The following IFT57 variants were observed in gnomAD, a reference collection of about 807,000 sequenced individuals.
IFT57 encodes the protein intraflagellar transport protein 57 homolog.
IFT57 carries 59 observed loss-of-function variants against 56.8 expected under a neutral mutation model. The ratio of observed to expected loss-of-function variants is 1.04; its 90% CI spans 0.84 to 1.29. The LOEUF (loss-of-function observed/expected upper bound fraction) is 1.29. Among genes scored for constraint, IFT57 ranks in the 50% most tolerant of loss-of-function variants. The probability of loss-of-function intolerance (pLI) is 0.00; values close to 1 mark genes in which losing one functional copy is unlikely to be tolerated. For synonymous variants in IFT57, 209 were observed against 186.1 expected (o/e 1.12, Z -1.00); for missense variants, 470 against 522.1 (o/e 0.90, Z 0.97).
chr3:108,167,227 AC>A (rs2080068169), intron 7 of IFT57: 2 of 398,656 alleles, frequency 5.0e-6, no homozygotes, highest in African/African-American at 2.1e-5. Flanking sequence ...CATTATACAT[AC>A]CATAAAATTT....
intron 5 of IFT57, among the ~76,000 whole-genome samples, chr3:108,197,007 G>T (rs2108319858): frequency 6.6e-6 from 1 of 152,044 alleles, no homozygotes; most frequent in Non-Finnish European, 1.5e-5. Context: ...TACTTTATGT[G>T]GGTCACTTGT....
At chr3:108,191,760 G>A (rs560874397) in intron 5 of IFT57, 117 bp from the exon 6 acceptor site, 48 of 533,100 alleles carry the variant, frequency 9.0e-5, no homozygotes, top group African/African-American at 6.1e-4. Context: ...TAAAATTATA[G>A]TGGAAGAAGA....
At position 108,218,585 on chromosome 3, in the gene IFT57, A is replaced by G. The variant is rs34760675; in HGVS notation, c.444T>C (p.Leu148=). The change falls in exon 3 of 11, where the codon CTT becomes CTC. Residue 148 remains leucine, a synonymous_variant. Coordinates refer to ENST00000264538, the MANE Select transcript of IFT57 (RefSeq NM_018010.4). ...TCAATGCTTCTTCAGCGAAGCAATC[A>G]AGAACATAGCATACATGTTCTCCAT... ...SGYGEHVCYV[L]DCFAEEALKY... 2.6e-3 allele frequency: 4,158 copies of G among 1,570,982 alleles called. 12 individuals carry two copies. Among genetic ancestry groups the G allele is most frequent in the Admixed American group, 3.5e-3 (178 of 51,050 alleles).
At chr3:108,168,174 G>C (rs752247765) in intron 6 of IFT57, among the ~76,000 whole-genome samples, 7 of 151,776 alleles carry the variant, frequency 4.6e-5, no homozygotes, top group Non-Finnish European at 1.0e-4. Context: ...CTAATTACTA[G>C]AAAAGAACTA....
intron 1 of IFT57, among the ~76,000 whole-genome samples, chr3:108,220,633 C>A (rs2107224682): frequency 6.6e-6 from 1 of 152,276 alleles, no homozygotes; most frequent in East Asian, 1.9e-4. Flanking sequence ...GGAATGAACA[C>A]CAATAGATAC....
At chr3:108,211,433 A>G (rs948100177) in intron 4 of IFT57, among the ~76,000 whole-genome samples, 7 of 152,228 alleles carry the variant, frequency 4.6e-5, no homozygotes, top group Admixed American at 6.5e-5. Context: ...AACTTGGTCT[A>G]TCTTCCCAGT....
chr3:108,203,952 GTA>G (rs906384191), intron 5 of IFT57, among the ~76,000 whole-genome samples: 1 of 152,190 alleles, frequency 6.6e-6, no homozygotes, highest in Non-Finnish European at 1.5e-5. Flanking sequence ...TTCCTTGACA[GTA>G]TGTATTGTTT....
chr3:108,178,268 C>T (rs1486737823), intron 6 of IFT57, among the ~76,000 whole-genome samples: 1 of 151,740 alleles, frequency 6.6e-6, no homozygotes. Flanking sequence ...ACCTCACAAC[C>T]ATACACAAGA....
chr3:108,165,579 G>A, intron 8 of IFT57, 86 bp from the exon 9 acceptor site: 2 of 1,011,040 alleles, frequency 2.0e-6, no homozygotes, highest in East Asian at 2.4e-5. Context: ...TGCAATTTCT[G>A]CAGGTCATTT....
In IFT57 at chr3:108,222,214, C is replaced by A. The variant is rs1311139580; in HGVS notation, c.109G>T (p.Ala37Ser). ...TCCATCACCACGAACATGTGGTAGG[C>A]CGCGCCGGGCCCCCGCTCCAAGACC... is the stretch of plus-strand genomic sequence containing the variant. ...EVVLERGPGA[A>S]YHMFVVMEDL... Residue 37 changes from alanine (A) to serine (S), a missense_variant, in exon 1 of 11, where the codon GCC (alanine) becomes TCC (serine). Transcript: ENST00000264538. 9 of 1,614,022 alleles carry A rather than the reference C, an allele frequency of 5.6e-6. No homozygotes were observed. Among genetic ancestry groups the A allele is most frequent in the Admixed American group, 1.7e-5 (1 of 60,014 alleles).
chr3:108,186,382 T>C lies in IFT57; in HGVS notation c.777+5139A>G, dbSNP rs557810483. On this transcript the variant is annotated intron_variant, in intron 6 of 10. Coordinates refer to ENST00000264538, the MANE Select transcript of IFT57 (RefSeq NM_018010.4). ...TTCAAAATATGGATTTTGGAGAAATTCAAGAGTTAATAAAAATACCAGAGG... is the reference window on the plus strand; with the variant it reads ...TTCAAAATATGGATTTTGGAGAAATCCAAGAGTTAATAAAAATACCAGAGG... 4.0e-5 allele frequency among the ~76,000 whole-genome samples: 6 copies of C among 150,096 alleles called. No homozygotes were observed. The East Asian group carries it at 7.8e-4, about 20-fold the overall frequency.
chr3:108,195,009 A>T (rs1005406891), intron 5 of IFT57, among the ~76,000 whole-genome samples: 3 of 152,190 alleles, frequency 2.0e-5, no homozygotes, highest in Non-Finnish European at 4.4e-5. Context: ...CAGAAAAGGA[A>T]GCAATCAACA....
At chr3:108,192,174 C>CAAAAAAA (rs11347289) in intron 5 of IFT57, among the ~76,000 whole-genome samples, 1 of 74,664 alleles carries the variant, frequency 1.3e-5, no homozygotes, top group Non-Finnish European at 2.5e-5. Flanking sequence ...GACTCTGTCT[C>CAAAAAAA]AAAAAAAAAA....
chr3:108,219,720 T>C, intron 1 of IFT57, 148 bp from the exon 2 acceptor site: 1 of 777,480 alleles, frequency 1.3e-6, no homozygotes, highest in Non-Finnish European at 2.0e-6. Context: ...CCCTTTGAAG[T>C]TTCCAGTAAT....
intron 6 of IFT57, among the ~76,000 whole-genome samples, chr3:108,177,642 T>G (rs2080131165): frequency 6.6e-6 from 1 of 151,518 alleles, no homozygotes. Flanking sequence ...AAAAAAAAAT[T>G]TGAAAAAAAT....
intron 5 of IFT57, among the ~76,000 whole-genome samples, chr3:108,191,948 T>A (rs182637900): frequency 6.6e-6 from 1 of 152,026 alleles, no homozygotes; most frequent in East Asian, 1.9e-4. Flanking sequence ...CAACAAGCCA[T>A]TTAGGTATGT....
rs777555787 is a variant in IFT57, at chr3:108,166,935, G to T, written c.900C>A (p.Ile300=). Residue 300 remains isoleucine, a synonymous_variant, in exon 8 of 11, where the codon ATC becomes ATA. Transcript: ENST00000264538. ...TGTTGATGTACTTTTCTCGGCTGCT[G>T]ATCTTTTCCAAAGTCCTAGTAATTT... The part of the protein sequence containing the change: ...HNEITRTLEK[I]SSREKYINNQ... The T allele has an allele frequency of 1.2e-6, 2 of 1,611,136 alleles. No individual in the cohort carries two copies. The highest frequency in any genetic ancestry group is 1.7e-6 in the Non-Finnish European group (2 of 1,178,336).
chr3:108,197,221 T>C (rs966420031), intron 5 of IFT57, among the ~76,000 whole-genome samples: 1 of 152,176 alleles, frequency 6.6e-6, no homozygotes, highest in African/African-American at 2.4e-5. Flanking sequence ...ATAAGCCATT[T>C]GTTAAACTCC....
intron 6 of IFT57, among the ~76,000 whole-genome samples, chr3:108,190,684 A>C (rs1439670487): frequency 6.6e-6 from 1 of 152,250 alleles, no homozygotes; most frequent in East Asian, 1.9e-4. Context: ...ATACAACAGT[A>C]TTTATCAAAT....
Sources: gnomAD v4.1 joint callset for allele counts (sites outside exome capture counted in the v4.1 genomes callset) on GRCh38, gnomAD v4.1.1 for gene constraint, MANE v1.5 for transcripts, NCBI Gene and HGNC (gene_info 2026-07-23, HGNC 2026-07-21) for gene names.